TENM3: variants seen among roughly 807,000 people sequenced by gnomAD.
TENM3 encodes teneurin-3.
TENM3 carries 63 observed loss-of-function variants against 255.1 expected under a neutral mutation model. The observed-to-expected ratio is 0.25, with a 90% CI of 0.20 to 0.30. TENM3 has a LOEUF of 0.30. Among genes scored for constraint, TENM3 ranks in the 10% least tolerant of loss-of-function variants. The pLI is 1.00. For synonymous variants in TENM3, 1,306 were observed against 1,322.3 expected (o/e 0.99, Z 0.27); for missense variants, 2,929 against 3,461.1 (o/e 0.85, Z 3.86).
intron 1 of TENM3, among the ~76,000 whole-genome samples, chr4:182,204,419 A>AG (rs1470713144): frequency 1.3e-5 from 2 of 152,214 alleles, no homozygotes; most frequent in East Asian, 3.9e-4. Context: ...TGGTGGGGAG[A>AG]GGGGAAGAGT....
At chr4:181,517,794 T>C in the TENM3 span, among the ~76,000 whole-genome samples, 1 of 152,216 alleles carries the variant, frequency 6.6e-6, no homozygotes, top group Admixed American at 6.5e-5. Context: ...AAGAATTCTC[T>C]ATGTTTATGA....
intron 3 of TENM3, among the ~76,000 whole-genome samples, chr4:182,593,170 T>C (rs1746842233): frequency 6.6e-6 from 1 of 152,250 alleles, no homozygotes; most frequent in African/African-American, 2.4e-5. Context: ...GTGTATCATA[T>C]TGCAAGCTCT....
chr4:182,038,061 T>C, the TENM3 span, among the ~76,000 whole-genome samples: 1 of 152,172 alleles, frequency 6.6e-6, no homozygotes, highest in Non-Finnish European at 1.5e-5. Flanking sequence ...TTTTTTCTAC[T>C]TCGCGTGATT....
chr4:182,678,463 C>G (rs1367693419), intron 7 of TENM3, among the ~76,000 whole-genome samples: 1 of 152,132 alleles, frequency 6.6e-6, no homozygotes, highest in Non-Finnish European at 1.5e-5. Flanking sequence ...TGTTTCTAAT[C>G]TAACAATAAC....
chr4:181,594,305 G>A, the TENM3 span, among the ~76,000 whole-genome samples: 1 of 151,998 alleles, frequency 6.6e-6, no homozygotes, highest in Non-Finnish European at 1.5e-5. Flanking sequence ...AAAAACCATA[G>A]CAATTTTTAT....
At chr4:181,776,706 C>T in the TENM3 span, among the ~76,000 whole-genome samples, 2 of 152,046 alleles carry the variant, frequency 1.3e-5, no homozygotes, top group Non-Finnish European at 2.9e-5. Flanking sequence ...ACCTGTTGGT[C>T]ATTTTTATAT....
chr4:182,468,825 TGTGTG>T (rs1732839987), intron 3 of TENM3, among the ~76,000 whole-genome samples: 2 of 1,966 alleles, frequency 1.0e-3, no homozygotes, highest in South Asian at 0.024. Context: ...CCTGTGTGCT[TGTGTG>T]TGTGTGTGTG....
Position 182,796,709 on chromosome 4 carries a change from T to G in TENM3, c.7286T>G (p.Phe2429Cys). Residue 2429 changes from phenylalanine to cysteine, a missense_variant, in exon 27 of 28, where the codon TTT becomes TGT. This residue lies in a region of TENM3 where 476 missense variants were observed against 480.1 expected (regional missense o/e 0.99). Coordinates refer to ENST00000511685, the MANE Select transcript of TENM3 (RefSeq NM_001080477.4). Reference protein sequence around the residue: ...NAIPGFPVPKFDLTEPSYELV... With the variant: ...NAIPGFPVPKCDLTEPSYELV... Reference sequence around the variant, plus strand: ...ATTCCTGGATTCCCTGTTCCCAAATTTGATTTAACAGAACCTTCTTACGAA... The same window carrying G: ...ATTCCTGGATTCCCTGTTCCCAAATGTGATTTAACAGAACCTTCTTACGAA... 1 of 1,612,894 alleles carries G rather than the reference T, an allele frequency of 6.2e-7. No homozygotes were observed. The highest frequency in any genetic ancestry group is 8.5e-7 in the Non-Finnish European group (1 of 1,179,360).
chr4:182,777,619 G>A (rs1308732682), intron 24 of TENM3, among the ~76,000 whole-genome samples: 3 of 124,496 alleles, frequency 2.4e-5, no homozygotes, highest in African/African-American at 8.9e-5. Context: ...GTGCAGTGGT[G>A]TGATCTTGGC....
intron 3 of TENM3, among the ~76,000 whole-genome samples, chr4:182,588,009 TATCA>T (rs1404830322): frequency 6.6e-6 from 1 of 152,176 alleles, no homozygotes; most frequent in Admixed American, 6.5e-5. Flanking sequence ...TTTTTTGTAC[TATCA>T]ATCCCTTAAA....
At chr4:182,289,536 A>G (rs946279575) in intron 1 of TENM3, among the ~76,000 whole-genome samples, 12 of 152,246 alleles carry the variant, frequency 7.9e-5, no homozygotes, top group African/African-American at 2.4e-4. Flanking sequence ...TATGTTATCC[A>G]ATAAATCTTT....
At chr4:181,741,311 G>A in the TENM3 span, among the ~76,000 whole-genome samples, 4 of 152,144 alleles carry the variant, frequency 2.6e-5, no homozygotes, top group Non-Finnish European at 2.9e-5. Context: ...TAGATACTAT[G>A]CTAAGTAAGG....
chr4:181,766,385 G>T, the TENM3 span, among the ~76,000 whole-genome samples: 1 of 152,034 alleles, frequency 6.6e-6, no homozygotes, highest in Non-Finnish European at 1.5e-5. Context: ...GGGAGTAGGG[G>T]CTTAAGTAAC....
chr4:182,501,974 G>A (rs1736363051), intron 3 of TENM3, among the ~76,000 whole-genome samples: 2 of 151,730 alleles, frequency 1.3e-5, no homozygotes, highest in African/African-American at 4.8e-5. Context: ...CTTTTTTTCT[G>A]CCCCTACATT....
chr4:182,008,670 T>G, the TENM3 span, among the ~76,000 whole-genome samples: 1 of 152,056 alleles, frequency 6.6e-6, no homozygotes, highest in African/African-American at 2.4e-5. Flanking sequence ...GGGTTGAACA[T>G]GCTCCTTTAA....
the TENM3 span, among the ~76,000 whole-genome samples, chr4:182,083,541 T>G: frequency 6.6e-6 from 1 of 152,184 alleles, no homozygotes; most frequent in East Asian, 1.9e-4. Flanking sequence ...AAGTGGTAAA[T>G]GTGCCGCATT....
At chr4:182,705,394 C>A (rs76765094) in intron 12 of TENM3, among the ~76,000 whole-genome samples, 2 of 152,240 alleles carry the variant, frequency 1.3e-5, no homozygotes, top group South Asian at 4.1e-4. Context: ...TTATGATGTA[C>A]GTATCTGATG....
the TENM3 span, among the ~76,000 whole-genome samples, chr4:181,945,555 C>G: frequency 6.6e-6 from 1 of 151,942 alleles, no homozygotes; most frequent in African/African-American, 2.4e-5. Flanking sequence ...TGTACAACTT[C>G]CACCAGCAGG....
the TENM3 span, among the ~76,000 whole-genome samples, chr4:181,770,022 C>A: frequency 1.3e-5 from 2 of 152,130 alleles, no homozygotes; most frequent in African/African-American, 4.8e-5. Flanking sequence ...CACATTGGAA[C>A]CCTTTGTGGC....
Sources: allele counts gnomAD v4.1 joint callset (sites outside exome capture counted in the v4.1 genomes callset), GRCh38; gene constraint gnomAD v4.1.1; regional missense constraint gnomAD v4.1.1; transcripts MANE v1.5; gene names NCBI Gene and HGNC (gene_info 2026-07-23, HGNC 2026-07-21).